The following ZBTB20 variants were observed in gnomAD, a reference collection of about 807,000 sequenced individuals.
ZBTB20 encodes the protein zinc finger and BTB domain containing 20.
Under a neutral mutation model 56.9 loss-of-function variants are expected in ZBTB20, and 9 were observed. That is an observed-to-expected ratio of 0.16 (90% CI 0.10 to 0.28). The LOEUF (loss-of-function observed/expected upper bound fraction) is 0.28, where lower values mean the gene tolerates loss of function less well. ZBTB20 is among the 10% of genes least tolerant of loss of function. ZBTB20 has a pLI of 1.00. For missense variants in ZBTB20, 655 were observed against 1,003.0 expected (o/e 0.65, Z 4.69); for synonymous variants, 417 against 420.7 (o/e 0.99, Z 0.11).
chr3:114,580,320 C>T (rs953169989), intron 6 of ZBTB20, among the ~76,000 whole-genome samples: 1 of 151,638 alleles, frequency 6.6e-6, no homozygotes, highest in South Asian at 2.1e-4. Context: ...ATTAAAAACA[C>T]TTAGTAAACT....
At chr3:115,145,704 C>A (rs975276203) in intron 1 of ZBTB20, among the ~76,000 whole-genome samples, 1 of 152,146 alleles carries the variant, frequency 6.6e-6, no homozygotes, top group Non-Finnish European at 1.5e-5. Context: ...GGAGGGGGAT[C>A]TATATAAATA....
At chr3:114,904,203 T>C (rs2075235731) in intron 3 of ZBTB20, 1 of 152,108 alleles carries the variant, frequency 6.6e-6, no homozygotes, top group African/African-American at 2.4e-5. Flanking sequence ...GGTCCAATTC[T>C]ATGTTACAGA....
intron 7 of ZBTB20, among the ~76,000 whole-genome samples, chr3:114,418,627 TAC>T (rs1308576557): frequency 2.0e-5 from 3 of 151,786 alleles, no homozygotes; most frequent in Non-Finnish European, 4.4e-5. Context: ...TGGGTTTTGA[TAC>T]AGTTTCCCAA....
Position 114,334,067 on chromosome 3 carries a change from C to T in ZBTB20, c.*4938G>A, listed in dbSNP as rs184637405. ...AGGTTGTGTCTGCTCTTACGTTGCA[C>T]CTTCCTTTTGTTCCCTTTTAATGCA... On this transcript the variant is annotated 3_prime_UTR_variant, in exon 12 of 12. Transcript: ENST00000675478. 2 of 152,334 alleles carry T rather than the reference C, an allele frequency of 1.3e-5. No individual in the cohort carries two copies. The highest frequency in any genetic ancestry group is 2.4e-5 in the African/African-American group (1 of 41,578). The allele number at this position is 152,334 out of a possible 1,614,324, so 9.4% of individuals were successfully genotyped here.
chr3:114,944,505 G>C (rs1161207024), intron 3 of ZBTB20, among the ~76,000 whole-genome samples: 1 of 145,654 alleles, frequency 6.9e-6, no homozygotes, highest in Non-Finnish European at 1.5e-5. Flanking sequence ...ACTGACGTTA[G>C]TATGTTGAAG....
At chr3:114,962,546 T>TC (rs552938272) in intron 3 of ZBTB20, among the ~76,000 whole-genome samples, 64 of 152,222 alleles carry the variant, frequency 4.2e-4, no homozygotes, top group African/African-American at 1.5e-3. Flanking sequence ...ATCCTGGTAT[T>TC]CCCCCTTGGG....
At chr3:114,935,484 C>G (rs904623726) in intron 3 of ZBTB20, among the ~76,000 whole-genome samples, 1 of 152,076 alleles carries the variant, frequency 6.6e-6, no homozygotes, top group Non-Finnish European at 1.5e-5. Context: ...AAACATCCTT[C>G]CAATTAAGAT....
chr3:114,546,288 C>T (rs974413270), intron 6 of ZBTB20, among the ~76,000 whole-genome samples: 1 of 152,128 alleles, frequency 6.6e-6, no homozygotes, highest in South Asian at 2.1e-4. Context: ...TAAGGATAAA[C>T]CCATTTGAAT....
intron 4 of ZBTB20, among the ~76,000 whole-genome samples, chr3:114,886,078 T>C (rs2076589377): frequency 6.6e-6 from 1 of 152,236 alleles, no homozygotes; most frequent in Non-Finnish European, 1.5e-5. Flanking sequence ...TTCTGCTCCC[T>C]CTACCCACTC....
At chr3:114,939,291 G>T (rs1301573132) in intron 3 of ZBTB20, among the ~76,000 whole-genome samples, 3 of 146,320 alleles carry the variant, frequency 2.1e-5, no homozygotes, top group Non-Finnish European at 4.4e-5. Context: ...TAATTGAAAG[G>T]ATAGAAACAA....
In ZBTB20 at chr3:114,928,642, C is replaced by T. The variant is rs1436066588; in HGVS notation, c.-455-28300G>A. Among the ~76,000 whole-genome samples the T allele has an allele frequency of 3.3e-5, 5 of 152,360 alleles. No individual in the cohort carries two copies. The East Asian group carries it at 7.7e-4, about 23-fold the overall frequency. On this transcript the variant is annotated intron_variant, in intron 3 of 11. Coordinates refer to ENST00000675478, the MANE Select transcript of ZBTB20 (RefSeq NM_001348800.3). The stretch of plus-strand genomic sequence containing the variant: ...CAATCTCAAGCAAATCATCAACTGA[C>T]ATCTGATGTTGTCTTACCTACAGAG...
chr3:114,906,819 G>T (rs890915761), intron 3 of ZBTB20, among the ~76,000 whole-genome samples: 1 of 151,582 alleles, frequency 6.6e-6, no homozygotes, highest in Non-Finnish European at 1.5e-5. Flanking sequence ...GTAAGTTGGT[G>T]TTAGGGTTAA....
chr3:114,766,575 C>A (rs2068808671), intron 5 of ZBTB20, among the ~76,000 whole-genome samples: 1 of 148,602 alleles, frequency 6.7e-6, no homozygotes, highest in African/African-American at 2.5e-5. Flanking sequence ...AGAAATACTT[C>A]ATGGAACAGG....
At chr3:114,779,614 G>T (rs2108769184) in intron 5 of ZBTB20, among the ~76,000 whole-genome samples, 1 of 152,168 alleles carries the variant, frequency 6.6e-6, no homozygotes. Flanking sequence ...AACCCTTTTA[G>T]CACAGATTAT....
At chr3:114,849,961 G>A (rs140068271) in intron 4 of ZBTB20, among the ~76,000 whole-genome samples, 2,551 of 147,242 alleles carry the variant, frequency 0.017, 38 homozygotes, top group African/African-American at 0.035. Flanking sequence ...GTGCAATGGC[G>A]CAATCTCGGC....
chr3:114,549,239 T>C (rs576216831), intron 6 of ZBTB20, among the ~76,000 whole-genome samples: 1 of 152,324 alleles, frequency 6.6e-6, no homozygotes, highest in South Asian at 2.1e-4. Flanking sequence ...AATGAGTTCT[T>C]TTCTTAAGCA....
At chr3:114,621,390 A>AT (rs1318466511) in intron 6 of ZBTB20, among the ~76,000 whole-genome samples, 1 of 152,190 alleles carries the variant, frequency 6.6e-6, no homozygotes, top group Non-Finnish European at 1.5e-5. Context: ...ATTTGGTCAT[A>AT]TTTTTAATAG....
intron 4 of ZBTB20, among the ~76,000 whole-genome samples, chr3:114,896,824 T>A (rs574533540): frequency 2.6e-5 from 4 of 152,232 alleles, no homozygotes; most frequent in South Asian, 2.1e-4. Context: ...AAATATCACA[T>A]GAAGGTCTTT....
At chr3:114,966,100 T>A (rs1410318769) in intron 3 of ZBTB20, among the ~76,000 whole-genome samples, 2 of 152,164 alleles carry the variant, frequency 1.3e-5, no homozygotes, top group East Asian at 3.8e-4. Flanking sequence ...ACAGCTTAGA[T>A]CCTGTTTTTA....
Sources: allele counts gnomAD v4.1 joint callset (sites outside exome capture counted in the v4.1 genomes callset), GRCh38; gene constraint gnomAD v4.1.1; transcripts MANE v1.5; gene names NCBI Gene and HGNC (gene_info 2026-07-23, HGNC 2026-07-21).